Variants in TNN observed in about 807,000 individuals in gnomAD.
TNN encodes the protein tenascin-N.
A neutral mutation model predicts 134.4 loss-of-function variants in TNN; 122 were observed. The observed-to-expected ratio is 0.91, with a 90% CI of 0.78 to 1.06. The LOEUF (loss-of-function observed/expected upper bound fraction) is 1.06. Ranked by LOEUF, TNN falls within the 50% of genes least tolerant of loss-of-function variation. TNN has a pLI of 0.00. For synonymous variants in TNN, 710 were observed against 670.3 expected, an observed-to-expected ratio of 1.06 and a Z score of -0.91; for missense variants, 1,739 against 1,699.4, an observed-to-expected ratio of 1.02 and a Z score of -0.41.
rs1574139482 is a variant in TNN at position 175,077,753 on chromosome 1, T to G, written c.335T>G (p.Val112Gly). 1 of 1,614,038 alleles carries G rather than the reference T, an allele frequency of 6.2e-7. No individual in the cohort carries two copies. The highest frequency in any genetic ancestry group is 1.3e-5 in the African/African-American group (1 of 75,012). Residue 112 changes from valine (V) to glycine (G), a missense_variant, in exon 2 of 19, where the codon GTG (valine) becomes GGG (glycine). Val to Gly is a moderately radical substitution (Grantham distance 109, BLOSUM62 -3). Coordinates refer to ENST00000239462, the MANE Select transcript of TNN (RefSeq NM_022093.2). ...AGSVQDLLAR[V>G]KKLEEEMVEM... ...AGTGTCCAGGACCTCCTGGCCCGGG[T>G]GAAGAAGCTGGAGGAAGAGATGGTG...
At chr1:175,140,764 T>C (rs577245588) in intron 17 of TNN, among the ~76,000 whole-genome samples, 3 of 152,244 alleles carry the variant, frequency 2.0e-5, no homozygotes, top group African/African-American at 7.2e-5. Flanking sequence ...AGTCTTCCCA[T>C]GTGTACTATC....
At chr1:175,113,962 G>T (rs1387089355) in intron 9 of TNN, among the ~76,000 whole-genome samples, 1 of 151,674 alleles carries the variant, frequency 6.6e-6, no homozygotes, top group African/African-American at 2.4e-5. Context: ...TTATTTTTCT[G>T]ATTTCATCAA....
chr1:175,070,755 G>C (rs1307060571), intron 1 of TNN, among the ~76,000 whole-genome samples: 1 of 152,162 alleles, frequency 6.6e-6, no homozygotes, highest in Non-Finnish European at 1.5e-5. Context: ...GGATCTGAAG[G>C]AGAAAGAGAT....
At chr1:175,093,886 A>G (rs1269172074) in intron 6 of TNN, 104 bp from the exon 7 acceptor site, 1 of 1,237,534 alleles carries the variant, frequency 8.1e-7, no homozygotes, top group East Asian at 2.4e-5. Flanking sequence ...TATTGCATAA[A>G]CTATTGAACT....
At chr1:175,121,894 G>T (rs1221063011) in intron 11 of TNN, among the ~76,000 whole-genome samples, 1 of 152,186 alleles carries the variant, frequency 6.6e-6, no homozygotes, top group Non-Finnish European at 1.5e-5. Flanking sequence ...AGATTCCTTG[G>T]TTAATTGAGT....
In TNN at chr1:175,131,967, G is replaced by T. The variant is rs527790355; in HGVS notation, c.3330+3221G>T. 2.9e-5 allele frequency among the ~76,000 whole-genome samples: 4 copies of T among 136,510 alleles called. No individual in the cohort carries two copies. In the South Asian group the frequency reaches 9.0e-4, roughly 31 times the overall value. 89.6% of individuals were successfully genotyped at this position (136,510 alleles called of 152,430 possible). A position where few individuals can be genotyped will look rare whatever the true frequency, so the allele number is the denominator to read the frequency against. ...ACACACACACACACATCGCTGGAAA[G>T]CTCCTATCAAGCTTGGGCACTGGGT... On this transcript the variant is annotated intron_variant, in intron 15 of 18. Transcript: ENST00000239462.
chr1:175,136,042 G>T (rs78562736), intron 16 of TNN, 101 bp downstream of exon 16: 455 of 817,902 alleles, frequency 5.6e-4, no homozygotes, highest in Non-Finnish European at 8.9e-4. Flanking sequence ...TCACAGAGAG[G>T]CCCCAGTGGC....
At chr1:175,093,009 A>G (rs1158257974) in intron 6 of TNN, among the ~76,000 whole-genome samples, 1 of 152,218 alleles carries the variant, frequency 6.6e-6, no homozygotes, top group Non-Finnish European at 1.5e-5. Context: ...TATTCTCCTC[A>G]GAAGCCAGAG....
At chr1:175,068,551 C>T (rs1048022867) in intron 1 of TNN, among the ~76,000 whole-genome samples, 28 of 152,240 alleles carry the variant, frequency 1.8e-4, no homozygotes, top group South Asian at 1.2e-3. Flanking sequence ...CAACTTCTCT[C>T]GAAATCCCCA....
rs924300139 is a variant in TNN at position 175,106,592 on chromosome 1, C to T, written c.2119+7997C>T. ...CAATTTTTAGAAGCGGGTCTAGCCTCAGAGAAGAGAGGCGAGAGGAAGTTT... is the reference window on the plus strand; with the variant it reads ...CAATTTTTAGAAGCGGGTCTAGCCTTAGAGAAGAGAGGCGAGAGGAAGTTT... On this transcript the variant is annotated intron_variant, in intron 9 of 18. Coordinates refer to ENST00000239462, the MANE Select transcript of TNN (RefSeq NM_022093.2). Among the ~76,000 whole-genome samples the T allele has an allele frequency of 2.3e-4, 33 of 146,128 alleles. 2 individuals are homozygous for T. The highest frequency in any genetic ancestry group is 7.9e-4 in the African/African-American group (32 of 40,538).
intron 1 of TNN, among the ~76,000 whole-genome samples, chr1:175,068,285 T>G (rs1673840942): frequency 6.6e-6 from 1 of 152,234 alleles, no homozygotes. Flanking sequence ...TTTTTCTTTT[T>G]AACTTACTTA....
At chr1:175,120,190 C>T (rs138524318) in intron 11 of TNN, among the ~76,000 whole-genome samples, 354 of 152,248 alleles carry the variant, frequency 2.3e-3, no homozygotes, top group African/African-American at 8.2e-3. Context: ...CATCTAAGTG[C>T]CAGGCCTGGG....
At chr1:175,107,106 T>C (rs748387422) in intron 9 of TNN, among the ~76,000 whole-genome samples, 5 of 146,306 alleles carry the variant, frequency 3.4e-5, no homozygotes, top group African/African-American at 7.4e-5. Context: ...GTCGCCAAAA[T>C]GTGTCCGGAA....
At chr1:175,078,939 G>T (rs1347324142) in intron 2 of TNN, among the ~76,000 whole-genome samples, 1 of 152,110 alleles carries the variant, frequency 6.6e-6, no homozygotes, top group Non-Finnish European at 1.5e-5. Context: ...GTCCTGCCCT[G>T]CAGTGTCAGC....
chr1:175,127,914 A>G, intron 13 of TNN, 118 bp from the exon 14 acceptor site: 1 of 1,297,382 alleles, frequency 7.7e-7, no homozygotes, highest in Admixed American at 1.8e-5. Context: ...CGGAGAGACA[A>G]AACACTGTGC....
In TNN at chr1:175,131,111, C is replaced by G. The variant is rs142862369; in HGVS notation, c.3330+2365C>G. On this transcript the variant is annotated intron_variant, in intron 15 of 18. Coordinates refer to ENST00000239462, the MANE Select transcript of TNN (RefSeq NM_022093.2). ...TGGTCTGTTTCTCTGTTTTATTGAG[C>G]TTTCAAAATCCTTTTATGGTAATTC... Among the ~76,000 whole-genome samples, 453 of 152,276 alleles carry G rather than the reference C, an allele frequency of 3.0e-3. 1 individual carries two copies. In the Middle Eastern group the frequency reaches 0.041, roughly 14 times the overall value.
chr1:175,133,061 A>G (rs1369760087), intron 15 of TNN, among the ~76,000 whole-genome samples: 22 of 152,226 alleles, frequency 1.4e-4, no homozygotes, highest in Admixed American at 1.4e-3. Context: ...AAAAATAGGC[A>G]GAGAGAGAAA....
chr1:175,133,715 T>C (rs1188270420), intron 15 of TNN, among the ~76,000 whole-genome samples: 1 of 152,184 alleles, frequency 6.6e-6, no homozygotes, highest in Non-Finnish European at 1.5e-5. Flanking sequence ...TTTACCCTCC[T>C]CTGGGTCCCA....
At chr1:175,119,515 C>T (rs970861166) in intron 11 of TNN, among the ~76,000 whole-genome samples, 1 of 152,108 alleles carries the variant, frequency 6.6e-6, no homozygotes. Context: ...GAATGCAGCC[C>T]AGTAGGTTTC....
Sources: gnomAD v4.1 joint callset for allele counts (sites outside exome capture counted in the v4.1 genomes callset) on GRCh38, gnomAD v4.1.1 for gene constraint, MANE v1.5 for transcripts, NCBI Gene and HGNC (gene_info 2026-07-23, HGNC 2026-07-21) for gene names.